The following SNTG1 variants were observed in gnomAD, a reference collection of about 807,000 sequenced individuals.
The protein encoded by SNTG1 is syntrophin gamma 1.
SNTG1 carries 39 observed loss-of-function variants against 74.7 expected under a neutral mutation model. That is an observed-to-expected ratio of 0.52 (90% CI 0.40 to 0.68). SNTG1 has a LOEUF of 0.68. Ranked by LOEUF, SNTG1 falls within the 30% of genes least tolerant of loss-of-function variation. The probability of loss-of-function intolerance (pLI) is 0.00; values close to 1 mark genes in which losing one functional copy is unlikely to be tolerated. For missense variants in SNTG1, 685 were observed against 609.5 expected (o/e 1.12, Z -1.30); for synonymous variants, 254 against 217.1 (o/e 1.17, Z -1.49).
intron 1 of SNTG1, among the ~76,000 whole-genome samples, chr8:50,135,610 T>G (rs944416648): frequency 3.3e-5 from 5 of 152,110 alleles, no homozygotes; most frequent in African/African-American, 1.2e-4. Context: ...TTCATGATTT[T>G]GGGGGACTTT....
At chr8:50,685,788 G>A (rs1382805375) in intron 15 of SNTG1, among the ~76,000 whole-genome samples, 2 of 152,160 alleles carry the variant, frequency 1.3e-5, no homozygotes, top group Admixed American at 1.3e-4. Context: ...TCTAGAGAAT[G>A]GAGGAAGAGT....
intron 16 of SNTG1, 29 bp downstream of exon 16, chr8:50,704,781 T>C: frequency 6.2e-7 from 1 of 1,612,536 alleles, no homozygotes; most frequent in Non-Finnish European, 8.5e-7. Context: ...GCAGGATGTG[T>C]GGCTCCCTCA....
At chr8:49,928,007 T>C (rs1047538975) in intron 1 of SNTG1, among the ~76,000 whole-genome samples, 3 of 151,494 alleles carry the variant, frequency 2.0e-5, no homozygotes, top group Admixed American at 6.6e-5. Flanking sequence ...CGTGCACCTG[T>C]AGTCCCAGCT....
intron 8 of SNTG1, among the ~76,000 whole-genome samples, chr8:50,454,645 C>A (rs1042742866): frequency 2.0e-5 from 3 of 151,582 alleles, no homozygotes; most frequent in Middle Eastern, 3.3e-3. Flanking sequence ...GGTTCCAGAC[C>A]AGCCTGGCCA....
At position 50,680,228 on chromosome 8, in the gene SNTG1, GACAGGC is replaced by G. The variant is rs2095325625; in HGVS notation, c.1038+21567_1038+21572del. On this transcript the variant is annotated intron_variant, in intron 15 of 18. Transcript: ENST00000642720. ...CTTCTTCAAAAAGGATAGTGTATGT[GACAGGC>G]AATTTTATTGTAAAAACTTGCTTAA... 2.0e-5 allele frequency among the ~76,000 whole-genome samples: 3 copies of G among 152,266 alleles called. No homozygotes were observed. In the South Asian group the frequency reaches 6.2e-4, roughly 32 times the overall value.
At chr8:50,589,144 T>G (rs191602330) in intron 12 of SNTG1, among the ~76,000 whole-genome samples, 12 of 152,290 alleles carry the variant, frequency 7.9e-5, no homozygotes, top group Admixed American at 5.9e-4. Flanking sequence ...TACATTTTAT[T>G]ATTTTAATAG....
At chr8:50,639,220 TA>T (rs33934276) in intron 13 of SNTG1, among the ~76,000 whole-genome samples, 38 of 147,870 alleles carry the variant, frequency 2.6e-4, no homozygotes, top group South Asian at 4.2e-4. Context: ...GCTTTTCAGT[TA>T]AAAAAAAAAA....
intron 1 of SNTG1, among the ~76,000 whole-genome samples, chr8:50,104,513 C>G (rs1264401681): frequency 6.6e-6 from 1 of 152,070 alleles, no homozygotes; most frequent in Non-Finnish European, 1.5e-5. Context: ...AAAAAACCAG[C>G]TCCTGGATTC....
intron 1 of SNTG1, among the ~76,000 whole-genome samples, chr8:50,056,502 T>A (rs1488095231): frequency 6.6e-6 from 1 of 152,168 alleles, no homozygotes; most frequent in Non-Finnish European, 1.5e-5. Context: ...TTTGGAATCA[T>A]CTTTCAAGAT....
At chr8:50,646,830 A>T (rs992386759) in intron 13 of SNTG1, among the ~76,000 whole-genome samples, 3 of 152,186 alleles carry the variant, frequency 2.0e-5, no homozygotes, top group Admixed American at 2.0e-4. Context: ...CTATAAAGTG[A>T]CAGTAATCAA....
intron 17 of SNTG1, among the ~76,000 whole-genome samples, chr8:50,743,042 T>C (rs1399363082): frequency 1.3e-5 from 2 of 151,120 alleles, no homozygotes; most frequent in African/African-American, 2.4e-5. Context: ...CTGGACCACA[T>C]AGCTTTATTG....
At chr8:49,913,628 GAGGAGAA>G (rs1805768906) in intron 1 of SNTG1, among the ~76,000 whole-genome samples, 1 of 152,192 alleles carries the variant, frequency 6.6e-6, no homozygotes, top group Non-Finnish European at 1.5e-5. Flanking sequence ...ATTATCTGAG[GAGGAGAA>G]ACATGTATTA....
chr8:50,149,959 C>A (rs974085208), intron 1 of SNTG1, among the ~76,000 whole-genome samples: 3 of 152,082 alleles, frequency 2.0e-5, no homozygotes, highest in African/African-American at 7.2e-5. Flanking sequence ...ATGGGGATGG[C>A]ATTGAATCTA....
intron 2 of SNTG1, among the ~76,000 whole-genome samples, chr8:50,379,920 T>G (rs1039882778): frequency 2.0e-5 from 3 of 152,154 alleles, no homozygotes; most frequent in Non-Finnish European, 4.4e-5. Flanking sequence ...ATGGGCTTGA[T>G]GTGTCCAGCT....
At chr8:50,395,144 C>A (rs900524040) in intron 3 of SNTG1, among the ~76,000 whole-genome samples, 5 of 152,042 alleles carry the variant, frequency 3.3e-5, no homozygotes, top group Non-Finnish European at 7.4e-5. Flanking sequence ...TCCTTATTTT[C>A]TTCTAAAGCA....
At chr8:50,730,290 G>A (rs1164776604) in intron 17 of SNTG1, among the ~76,000 whole-genome samples, 1 of 152,138 alleles carries the variant, frequency 6.6e-6, no homozygotes, top group Non-Finnish European at 1.5e-5. Context: ...TGAGGCCGAG[G>A]GGATGAAGGC....
chr8:50,215,785 A>T (rs144113774), intron 2 of SNTG1, among the ~76,000 whole-genome samples: 1 of 152,050 alleles, frequency 6.6e-6, no homozygotes, highest in African/African-American at 2.4e-5. Flanking sequence ...TCAGAAGGAG[A>T]TTATGAATTT....
intron 1 of SNTG1, among the ~76,000 whole-genome samples, chr8:49,975,801 C>A (rs1360319328): frequency 6.7e-6 from 1 of 150,166 alleles, no homozygotes; most frequent in Admixed American, 6.6e-5. Flanking sequence ...GTAAAGGCTC[C>A]ATTCTTGATA....
chr8:50,648,391 CT>C (rs953167631), intron 13 of SNTG1, among the ~76,000 whole-genome samples: 5 of 151,984 alleles, frequency 3.3e-5, no homozygotes, highest in East Asian at 3.9e-4. Context: ...CCACCGCATT[CT>C]TTTTTTTCTT....
Sources: allele counts gnomAD v4.1 joint callset (sites outside exome capture counted in the v4.1 genomes callset), GRCh38; gene constraint gnomAD v4.1.1; transcripts MANE v1.5; gene names NCBI Gene and HGNC (gene_info 2026-07-23, HGNC 2026-07-21).